KCNQ1: variants seen among roughly 807,000 people sequenced by gnomAD.
KCNQ1 encodes the protein potassium voltage-gated channel subfamily Q member 1.
KCNQ1 carries 49 observed loss-of-function variants against 72.4 expected under a neutral mutation model. The ratio of observed to expected loss-of-function variants is 0.68; its 90% confidence interval spans 0.54 to 0.86. The LOEUF (loss-of-function observed/expected upper bound fraction) is 0.86. Ranked by LOEUF, KCNQ1 falls within the 40% of genes least tolerant of loss-of-function variation. The pLI is 0.00. For synonymous variants in KCNQ1, 450 were observed against 412.6 expected, an observed-to-expected ratio of 1.09 and a Z score of -1.10; for missense variants, 790 against 945.1, an observed-to-expected ratio of 0.84 and a Z score of 2.15.
intron 15 of KCNQ1, among the ~76,000 whole-genome samples, chr11:2,842,026 C>A (rs371543752): frequency 6.6e-6 from 1 of 152,210 alleles, no homozygotes; most frequent in Non-Finnish European, 1.5e-5. Context: ...GAGGACATAA[C>A]CGACCATGAG....
In KCNQ1 at chr11:2,603,933, C is replaced by T. The variant is rs571233381; in HGVS notation, c.1393+15079C>T. On this transcript the variant is annotated intron_variant, in intron 10 of 15. Coordinates refer to ENST00000155840, the MANE Select transcript of KCNQ1 (RefSeq NM_000218.3). The surrounding 1 kb of genome is among the most constrained non-coding windows in gnomAD (Gnocchi z 4.1). ...CTCGAACTCCTGACCTCAGGTGATC[C>T]GCCCACCTCGGCCTCCTAACCTGCT... Among the ~76,000 whole-genome samples the T allele has an allele frequency of 5.7e-4, 87 of 152,072 alleles. No homozygotes were observed. The highest frequency in any genetic ancestry group is 1.0e-3 in the Non-Finnish European group (69 of 67,978).
In KCNQ1 at chr11:2,620,913, G is replaced by A; in HGVS notation, c.1393+32059G>A. 2.5e-6 allele frequency: 1 copy of A among 395,064 alleles called. No individual in the cohort carries two copies. Among genetic ancestry groups the A allele is most frequent in the Non-Finnish European group, 4.4e-6 (1 of 225,352 alleles). The allele number at this position is 395,064 out of a possible 1,614,324, so 24.5% of individuals were successfully genotyped here. On this transcript the variant is annotated intron_variant, in intron 10 of 15. Coordinates refer to ENST00000155840, the MANE Select transcript of KCNQ1 (RefSeq NM_000218.3). The surrounding 1 kb of genome is among the most constrained non-coding windows in gnomAD (Gnocchi z 4.5). ...CTGGTGTGAGATGGCATCCCATTAT[G>A]GTTTGGTGTTTTTTTGTTGTTGTTG...
In KCNQ1 at chr11:2,537,412, C is replaced by T. The variant is rs1465371214; in HGVS notation, c.477+9394C>T. On this transcript the variant is annotated intron_variant, in intron 2 of 15. Transcript: ENST00000155840. The surrounding 1 kb of genome is among the most constrained non-coding windows in gnomAD (Gnocchi z 5.2). ...TGCTAGGGGCATTTAAACTTGCAGTCGAATTAGTAACAATTTTATTTTTTG... is the reference window on the plus strand; with the variant it reads ...TGCTAGGGGCATTTAAACTTGCAGTTGAATTAGTAACAATTTTATTTTTTG... 2.0e-5 allele frequency among the ~76,000 whole-genome samples: 3 copies of T among 152,102 alleles called. No homozygotes were observed. Among genetic ancestry groups the T allele is most frequent in the Middle Eastern group, 3.2e-3 (1 of 316 alleles).
intron 15 of KCNQ1, among the ~76,000 whole-genome samples, chr11:2,819,949 G>C (rs746420192): frequency 2.0e-5 from 3 of 152,166 alleles, no homozygotes; most frequent in African/African-American, 7.2e-5. Context: ...TCCCTCGGTA[G>C]CAGTAGTATT....
chr11:2,674,729 C>G lies in KCNQ1; in HGVS notation c.1514+12648C>G. On this transcript the variant is annotated intron_variant, in intron 11 of 15. Transcript: ENST00000155840. The surrounding 1 kb of genome is among the most constrained non-coding windows in gnomAD (Gnocchi z 5.9). ...TGACTCCTTCCTTCTGAACTTAACT[C>G]GTTAAAGTTGCTCCAATCCCAGCCC... 1 of 397,282 alleles carries G rather than the reference C, an allele frequency of 2.5e-6. No individual in the cohort carries two copies. Among genetic ancestry groups the G allele is most frequent in the Non-Finnish European group, 4.4e-6 (1 of 225,938 alleles). The allele number at this position is 397,282 out of a possible 1,614,324, so 24.6% of individuals were successfully genotyped here. A position where few individuals can be genotyped will look rare whatever the true frequency, so the allele number is the denominator to read the frequency against.
Position 2,570,507 on chromosome 11 carries a change from G to C in KCNQ1, c.478-121G>C, listed in dbSNP as rs568350384. On this transcript the variant is annotated intron_variant, in intron 2 of 15. Transcript: ENST00000155840. ...CCGCAGCAGGCCAGGACCCGGGCCT[G>C]CTGTTCTCAGGGTGTCCTTCAGCGG... 1,257 of 1,366,432 alleles carry C rather than the reference G, an allele frequency of 9.2e-4. 1 individual carries two copies. The highest frequency in any genetic ancestry group is 1.2e-3 in the Non-Finnish European group (1,178 of 986,872). 84.6% of individuals were successfully genotyped at this position (1,366,432 alleles called of 1,614,324 possible).
In KCNQ1 at chr11:2,538,502, G is replaced by A. The variant is rs527477165; in HGVS notation, c.477+10484G>A. ...ACCGCGGTTGACAGGGTTTGGATTG[G>A]CTGCGTTCCTGTCTGAAGGCAGCTG... On this transcript the variant is annotated intron_variant, in intron 2 of 15. Coordinates refer to ENST00000155840, the MANE Select transcript of KCNQ1 (RefSeq NM_000218.3). This position sits in a 1 kb window ranked among gnomAD's most constrained non-coding sequence, Gnocchi z 6.7. Among the ~76,000 whole-genome samples the A allele has an allele frequency of 3.9e-5, 6 of 152,308 alleles. No homozygotes were observed. In the South Asian group the frequency reaches 1.2e-3, roughly 32 times the overall value.
intron 11 of KCNQ1, among the ~76,000 whole-genome samples, chr11:2,749,879 G>A (rs1846198338): frequency 6.6e-6 from 1 of 151,898 alleles, no homozygotes. Context: ...TCAGGAGGCT[G>A]AGGCGGGGAA....
chr11:2,608,644 T>G lies in KCNQ1; in HGVS notation c.1393+19790T>G. ...ACCAGCTGTTATTCAAAAAATATTT[T>G]GTAGAGATAGGGTCTTGCTTTGTTG... On this transcript the variant is annotated intron_variant, in intron 10 of 15. Coordinates refer to ENST00000155840, the MANE Select transcript of KCNQ1 (RefSeq NM_000218.3). This position sits in a 1 kb window ranked among gnomAD's most constrained non-coding sequence, Gnocchi z 4.6. The G allele has an allele frequency of 7.5e-6, 3 of 398,564 alleles. No individual in the cohort carries two copies. Among genetic ancestry groups the G allele is most frequent in the Admixed American group, 8.8e-5 (2 of 22,722 alleles). 24.7% of individuals were successfully genotyped at this position (398,564 alleles called of 1,614,324 possible). A position where few individuals can be genotyped will look rare whatever the true frequency, so the allele number is the denominator to read the frequency against.
At chr11:2,545,172 GGACTT>G (rs770679581) in intron 2 of KCNQ1, among the ~76,000 whole-genome samples, 14 of 152,114 alleles carry the variant, frequency 9.2e-5, no homozygotes, top group Non-Finnish European at 1.5e-4. Context: ...GTATATCACT[GGACTT>G]GACTTGTTAA....
Position 2,541,948 on chromosome 11 carries a change from C to T in KCNQ1, c.477+13930C>T, listed in dbSNP as rs753361657. 8.5e-5 allele frequency among the ~76,000 whole-genome samples: 13 copies of T among 152,122 alleles called. No homozygotes were observed. Among genetic ancestry groups the T allele is most frequent in the Non-Finnish European group, 1.6e-4 (11 of 68,018 alleles). ...CCTCTGCACCCCTCCTGTGAAAGGC[C>T]GGCGCAGAGCTGCACCGTGGGGTCC... On this transcript the variant is annotated intron_variant, in intron 2 of 15. Coordinates refer to ENST00000155840, the MANE Select transcript of KCNQ1 (RefSeq NM_000218.3). This position sits in a 1 kb window ranked among gnomAD's most constrained non-coding sequence, Gnocchi z 4.8.
Position 2,683,584 on chromosome 11 carries a change from C to G in KCNQ1, c.1514+21503C>G, listed in dbSNP as rs1231309906. The G allele has an allele frequency of 2.5e-6, 1 of 398,548 alleles. No individual in the cohort carries two copies. The highest frequency in any genetic ancestry group is 2.1e-5 in the African/African-American group (1 of 48,638). The allele number at this position is 398,548 out of a possible 1,614,324, so 24.7% of individuals were successfully genotyped here. On this transcript the variant is annotated intron_variant, in intron 11 of 15. Coordinates refer to ENST00000155840, the MANE Select transcript of KCNQ1 (RefSeq NM_000218.3). This position sits in a 1 kb window ranked among gnomAD's most constrained non-coding sequence, Gnocchi z 4.7. ...ACTGACTGGCATCACAAACACTGCCCTGAAATGCCAACTCATTTCAAATAC... is the reference window on the plus strand; with the variant it reads ...ACTGACTGGCATCACAAACACTGCCGTGAAATGCCAACTCATTTCAAATAC...
In KCNQ1 at chr11:2,451,877, A is replaced by G. The variant is rs565148544; in HGVS notation, c.386+6393A>G. 7.2e-5 allele frequency among the ~76,000 whole-genome samples: 11 copies of G among 152,256 alleles called. No homozygotes were observed. The highest frequency in any genetic ancestry group is 2.6e-4 in the African/African-American group (11 of 41,546). On this transcript the variant is annotated intron_variant, in intron 1 of 15. Transcript: ENST00000155840. This position sits in a 1 kb window ranked among gnomAD's most constrained non-coding sequence, Gnocchi z 6.4. ...GCCCTCAGGACACCCAGAAGCCCTT[A>G]GGATGCCCAGAAGCCCTTAGGATGC...
intron 1 of KCNQ1, among the ~76,000 whole-genome samples, chr11:2,524,933 G>A (rs1048127255): frequency 5.9e-5 from 9 of 152,188 alleles, no homozygotes; most frequent in African/African-American, 1.9e-4. Flanking sequence ...CGGGCAGCCC[G>A]GCTCTGCTTC....
chr11:2,757,052 G>A (rs564765919), intron 11 of KCNQ1, among the ~76,000 whole-genome samples: 5 of 144,244 alleles, frequency 3.5e-5, no homozygotes, highest in East Asian at 2.2e-4. Context: ...AAAAAAGAAG[G>A]CAAGGGTATC....
chr11:2,642,036 T>G lies in KCNQ1; in HGVS notation c.1394-19925T>G. 2.5e-6 allele frequency: 1 copy of G among 398,370 alleles called. No homozygotes were observed. The highest frequency in any genetic ancestry group is 4.4e-6 in the Non-Finnish European group (1 of 225,878). 24.7% of individuals were successfully genotyped at this position (398,370 alleles called of 1,614,324 possible). A position where few individuals can be genotyped will look rare whatever the true frequency, so the allele number is the denominator to read the frequency against. On this transcript the variant is annotated intron_variant, in intron 10 of 15. Transcript: ENST00000155840. The surrounding 1 kb of genome is among the most constrained non-coding windows in gnomAD (Gnocchi z 4.3). ...CTGCTTTTAATGCTATAGCCTTATATTTTTAAATCAGGCAGTGTGATGCAT... is the reference window on the plus strand; with the variant it reads ...CTGCTTTTAATGCTATAGCCTTATAGTTTTAAATCAGGCAGTGTGATGCAT...
At chr11:2,726,761 T>G (rs1373796899) in intron 11 of KCNQ1, among the ~76,000 whole-genome samples, 2 of 152,216 alleles carry the variant, frequency 1.3e-5, no homozygotes, top group African/African-American at 4.8e-5. Context: ...GGCTTTCCCA[T>G]GGAATGTGCT....
In KCNQ1 at chr11:2,665,480, A is replaced by G. The variant is rs143416443; in HGVS notation, c.1514+3399A>G. 743 of 395,932 alleles carry G rather than the reference A, an allele frequency of 1.9e-3. 11 individuals carry two copies. The highest frequency in any genetic ancestry group is 0.014 in the African/African-American group (678 of 47,560). The allele number at this position is 395,932 out of a possible 1,614,324, so 24.5% of individuals were successfully genotyped here. A position where few individuals can be genotyped will look rare whatever the true frequency, so the allele number is the denominator to read the frequency against. On this transcript the variant is annotated intron_variant, in intron 11 of 15. Coordinates refer to ENST00000155840, the MANE Select transcript of KCNQ1 (RefSeq NM_000218.3). ...CACGACAGTGGGTGGGGACGGTGCC[A>G]TGCCTGTGTGCATCCCTGTGCCTTG... is the stretch of plus-strand genomic sequence containing the variant.
In KCNQ1 at chr11:2,458,471, C is replaced by G. The variant is rs778024584; in HGVS notation, c.386+12987C>G. 6.6e-6 allele frequency among the ~76,000 whole-genome samples: 1 copy of G among 152,212 alleles called. No homozygotes were observed. Reference sequence around the variant, plus strand: ...GGGTTGCGTCCTTCTTTGGGACTCCCGCAGATGCCTGAGGCGGCAGTGCTG... The same window carrying G: ...GGGTTGCGTCCTTCTTTGGGACTCCGGCAGATGCCTGAGGCGGCAGTGCTG... On this transcript the variant is annotated intron_variant, in intron 1 of 15. Coordinates refer to ENST00000155840, the MANE Select transcript of KCNQ1 (RefSeq NM_000218.3). This position sits in a 1 kb window ranked among gnomAD's most constrained non-coding sequence, Gnocchi z 4.6.
Sources: gnomAD v4.1 joint callset for allele counts (sites outside exome capture counted in the v4.1 genomes callset) on GRCh38, gnomAD v4.1.1 for gene constraint, Gnocchi (gnomAD v3.1) non-coding constraint, MANE v1.5 for transcripts, NCBI Gene and HGNC (gene_info 2026-07-23, HGNC 2026-07-21) for gene names.